SSBP2: variants seen among roughly 807,000 people sequenced by gnomAD.
SSBP2 encodes single-stranded DNA-binding protein 2.
A neutral mutation model predicts 61.8 loss-of-function variants in SSBP2; 17 were observed. The observed-to-expected ratio is 0.28, with a 90% CI of 0.19 to 0.41. The LOEUF (loss-of-function observed/expected upper bound fraction) is 0.41. SSBP2 is among the 10% of genes least tolerant of loss of function. The pLI is 1.00. For missense variants in SSBP2, 310 were observed against 458.7 expected (o/e 0.68, Z 2.96); for synonymous variants, 139 against 141.3 (o/e 0.98, Z 0.12).
chr5:81,585,648 ATATT>A (rs1360218616), intron 4 of SSBP2, among the ~76,000 whole-genome samples: 3 of 152,108 alleles, frequency 2.0e-5, no homozygotes, highest in African/African-American at 7.2e-5. Context: ...ATTTCCTCAC[ATATT>A]TATTATTTTG....
At chr5:81,722,629 T>C (rs751657725) in intron 1 of SSBP2, among the ~76,000 whole-genome samples, 13 of 152,022 alleles carry the variant, frequency 8.6e-5, no homozygotes, top group Non-Finnish European at 1.3e-4. Context: ...TTACATGACC[T>C]TGAGCATGCA....
At chr5:81,457,188 G>C (rs1764221637) in intron 10 of SSBP2, among the ~76,000 whole-genome samples, 1 of 152,146 alleles carries the variant, frequency 6.6e-6, no homozygotes, top group Non-Finnish European at 1.5e-5. Context: ...AATGTGCTCA[G>C]AGAAAAATGG....
chr5:81,740,380 A>G (rs774550060), intron 1 of SSBP2, among the ~76,000 whole-genome samples: 1 of 152,202 alleles, frequency 6.6e-6, no homozygotes, highest in Non-Finnish European at 1.5e-5. Context: ...ATATACTGAT[A>G]ATGTATAATC....
chr5:81,736,559 G>C (rs566932033), intron 1 of SSBP2, among the ~76,000 whole-genome samples: 58 of 151,892 alleles, frequency 3.8e-4, no homozygotes, highest in Non-Finnish European at 6.2e-4. Context: ...ATTTGTATAT[G>C]CATGTATGGA....
In SSBP2 at chr5:81,592,293, G is replaced by A. The variant is rs1022448700; in HGVS notation, c.282+23180C>T. ...GCAGCAGCGAGGATGGGGGAGGGGCGCCTGCCATTGCCAAGTTAGTTGTTT... is the reference window on the plus strand; with the variant it reads ...GCAGCAGCGAGGATGGGGGAGGGGCACCTGCCATTGCCAAGTTAGTTGTTT... On this transcript the variant is annotated intron_variant, in intron 4 of 16. Coordinates refer to ENST00000320672, the MANE Select transcript of SSBP2 (RefSeq NM_012446.5). Among the ~76,000 whole-genome samples the A allele has an allele frequency of 1.9e-4, 29 of 152,332 alleles. 1 individual carries two copies. The highest frequency in any genetic ancestry group is 1.6e-3 in the Admixed American group (24 of 15,306).
chr5:81,468,992 T>C (rs1580762293), intron 8 of SSBP2, among the ~76,000 whole-genome samples: 1 of 152,108 alleles, frequency 6.6e-6, no homozygotes, highest in Middle Eastern at 3.4e-3. Flanking sequence ...TGGTAAAATA[T>C]AATAGAAATG....
At chr5:81,663,926 A>C (rs936806779) in intron 1 of SSBP2, among the ~76,000 whole-genome samples, 9 of 152,186 alleles carry the variant, frequency 5.9e-5, no homozygotes, top group African/African-American at 2.2e-4. Flanking sequence ...AGGCATGCAA[A>C]TTAATGCATC....
chr5:81,525,304 GTTA>G (rs1213583543), intron 4 of SSBP2, among the ~76,000 whole-genome samples: 2 of 151,882 alleles, frequency 1.3e-5, no homozygotes, highest in Non-Finnish European at 2.9e-5. Flanking sequence ...GTATCCAGTA[GTTA>G]TTTTTTCTGA....
At chr5:81,472,561 T>C (rs1343465048) in intron 8 of SSBP2, among the ~76,000 whole-genome samples, 2 of 152,182 alleles carry the variant, frequency 1.3e-5, no homozygotes, top group Non-Finnish European at 2.9e-5. Context: ...ATTTTATACT[T>C]ACTCTTTAAT....
intron 1 of SSBP2, among the ~76,000 whole-genome samples, chr5:81,672,483 TAATC>T (rs1464805566): frequency 1.3e-5 from 2 of 151,638 alleles, no homozygotes; most frequent in African/African-American, 4.8e-5. Flanking sequence ...GAAGCCAAAA[TAATC>T]AACAAATGAA....
At position 81,637,285 on chromosome 5, in the gene SSBP2, C is replaced by T. The variant is rs377404063; in HGVS notation, c.136-667G>A. Among the ~76,000 whole-genome samples, 6 of 152,332 alleles carry T rather than the reference C, an allele frequency of 3.9e-5. No homozygotes were observed. The South Asian group carries it at 6.2e-4, about 16-fold the overall frequency. On this transcript the variant is annotated intron_variant, in intron 2 of 16. Transcript: ENST00000320672. Reference sequence around the variant, plus strand: ...GATTCAGCTCCCTGAGATTTCTCCTCCAATTTTTTTGATAACCACAAGCTC... The same window carrying T: ...GATTCAGCTCCCTGAGATTTCTCCTTCAATTTTTTTGATAACCACAAGCTC...
At chr5:81,661,006 GA>G (rs1750643158) in intron 1 of SSBP2, among the ~76,000 whole-genome samples, 1 of 151,744 alleles carries the variant, frequency 6.6e-6, no homozygotes, top group African/African-American at 2.4e-5. Flanking sequence ...GGAGCCTGTT[GA>G]GGGGTGGGGG....
chr5:81,606,748 A>G (rs1208276329), intron 4 of SSBP2, among the ~76,000 whole-genome samples: 1 of 152,234 alleles, frequency 6.6e-6, no homozygotes, highest in Admixed American at 6.5e-5. Flanking sequence ...AGAATCCTAC[A>G]CAAAAAGAAA....
intron 15 of SSBP2, among the ~76,000 whole-genome samples, chr5:81,434,835 C>A (rs976501194): frequency 6.6e-6 from 1 of 152,050 alleles, no homozygotes; most frequent in Non-Finnish European, 1.5e-5. Context: ...GTGGGAAAAG[C>A]GAGTTAGTGA....
At chr5:81,515,314 G>C (rs1201000512) in intron 4 of SSBP2, among the ~76,000 whole-genome samples, 1 of 151,844 alleles carries the variant, frequency 6.6e-6, no homozygotes, top group Non-Finnish European at 1.5e-5. Flanking sequence ...TGAAAAGCTA[G>C]ACATAGCCTA....
chr5:81,631,284 G>A (rs992598015), intron 3 of SSBP2, among the ~76,000 whole-genome samples: 3 of 152,056 alleles, frequency 2.0e-5, no homozygotes, highest in East Asian at 1.9e-4. Context: ...GACCAAGTGC[G>A]GTTCCACTCA....
At chr5:81,477,209 G>T (rs1765650760) in intron 6 of SSBP2, among the ~76,000 whole-genome samples, 1 of 152,150 alleles carries the variant, frequency 6.6e-6, no homozygotes, top group African/African-American at 2.4e-5. Context: ...GGATGTTCTT[G>T]TTACTTGGGT....
intron 3 of SSBP2, among the ~76,000 whole-genome samples, chr5:81,622,069 C>A (rs1746627783): frequency 7.2e-6 from 1 of 138,568 alleles, no homozygotes; most frequent in Non-Finnish European, 1.5e-5. Context: ...AACTAACCTG[C>A]ACAATGTGCA....
intron 1 of SSBP2, among the ~76,000 whole-genome samples, chr5:81,666,042 C>T (rs955307437): frequency 6.6e-6 from 1 of 152,130 alleles, no homozygotes; most frequent in African/African-American, 2.4e-5. Flanking sequence ...ATGTTCAAAG[C>T]GCTTGCAACC....
Sources: allele counts gnomAD v4.1 joint callset (sites outside exome capture counted in the v4.1 genomes callset), GRCh38; gene constraint gnomAD v4.1.1; transcripts MANE v1.5; gene names NCBI Gene and HGNC (gene_info 2026-07-23, HGNC 2026-07-21).